ZSCAN29: variants seen among roughly 807,000 people sequenced by gnomAD.
ZSCAN29 encodes the protein zinc finger and SCAN domain containing 29.
ZSCAN29 carries 55 observed loss-of-function variants against 71.9 expected under a neutral mutation model. The observed-to-expected ratio is 0.76, with a 90% CI of 0.62 to 0.96. ZSCAN29 has a LOEUF of 0.96. Ranked by LOEUF, ZSCAN29 falls within the 40% of genes least tolerant of loss-of-function variation. The pLI is 0.00. For missense variants in ZSCAN29, 1,042 were observed against 1,042.2 expected (o/e 1.00, Z 0.00); for synonymous variants, 351 against 371.6 (o/e 0.94, Z 0.64).
chr15:43,370,153 CTT>C (rs2044087692), intron 1 of ZSCAN29, 128 bp from the exon 2 acceptor site: 2 of 489,174 alleles, frequency 4.1e-6, no homozygotes, highest in Non-Finnish European at 7.2e-6. Context: ...AGTAAATAGA[CTT>C]TGCAAAAACT....
In ZSCAN29 at chr15:43,366,828, C is replaced by G; in HGVS notation, c.524-20G>C. On this transcript the variant is annotated intron_variant, in intron 3 of 5. Coordinates refer to ENST00000684362, the MANE Select transcript of ZSCAN29 (RefSeq NM_001372080.1). ...GCAATCCTGCTTGCAGGGAAACAAA[C>G]AAAAGTTGTCATAGTTTGGACTGAT... 1 of 1,589,028 alleles carries G rather than the reference C, an allele frequency of 6.3e-7. No individual in the cohort carries two copies. The highest frequency in any genetic ancestry group is 8.5e-7 in the Non-Finnish European group (1 of 1,169,842).
chr15:43,370,531 G>C (rs1048520074), intron 1 of ZSCAN29, 27 bp downstream of exon 1: 2 of 152,516 alleles, frequency 1.3e-5, no homozygotes, highest in Non-Finnish European at 2.9e-5. Context: ...CGTAGTAGTA[G>C]CCGCTCAGCA....
Position 43,359,923 on chromosome 15 carries a change from G to C in ZSCAN29, c.*1150C>G, listed in dbSNP as rs938086303. ...TGTTCTTGACAAGATGATTCATAGG[G>C]CAGAACCAAGATGGACATTAAACTC... On this transcript the variant is annotated 3_prime_UTR_variant, in exon 6 of 6. Coordinates refer to ENST00000684362, the MANE Select transcript of ZSCAN29 (RefSeq NM_001372080.1). The C allele has an allele frequency of 6.6e-6, 1 of 152,196 alleles. No individual in the cohort carries two copies. The highest frequency in any genetic ancestry group is 2.4e-5 in the African/African-American group (1 of 41,452). 9.4% of individuals were successfully genotyped at this position (152,196 alleles called of 1,614,324 possible). A position where few individuals can be genotyped will look rare whatever the true frequency, so the allele number is the denominator to read the frequency against.
At position 43,370,957 on chromosome 15, in the gene ZSCAN29, A is replaced by C; in HGVS notation, c.-512T>G. The C allele has an allele frequency of 3.9e-6, 1 of 256,236 alleles. No homozygotes were observed. The highest frequency in any genetic ancestry group is 7.6e-6 in the Non-Finnish European group (1 of 130,944). The allele number at this position is 256,236 out of a possible 1,614,324, so 15.9% of individuals were successfully genotyped here. A position where few individuals can be genotyped will look rare whatever the true frequency, so the allele number is the denominator to read the frequency against. ...CCTTGCCTCCGGGCCAGCCTCACCC[A>C]CTCGGGGTCCGACCCTGACCCCGGC... On this transcript the variant is annotated 5_prime_UTR_variant, in exon 1 of 6. Transcript: ENST00000684362.
In ZSCAN29 at chr15:43,361,161, CCA is replaced by C; in HGVS notation, c.2469_2470del (p.Cys823TrpfsTer2). The C allele has an allele frequency of 4.3e-6, 7 of 1,614,168 alleles. No homozygotes were observed. The highest frequency in any genetic ancestry group is 5.9e-6 in the Non-Finnish European group (7 of 1,180,006). On this transcript the variant is annotated frameshift_variant, in exon 6 of 6. Transcript: ENST00000684362. LOFTEE classifies it high-confidence loss of function. The stretch of plus-strand genomic sequence containing the variant: ...GGCAGAGCTTTTACTGAAGCACTTA[CCA>C]CAGTCATGACACCCATAGGGTTTCT...
intron 3 of ZSCAN29, among the ~76,000 whole-genome samples, chr15:43,367,473 C>T (rs1049350725): frequency 1.4e-4 from 21 of 152,128 alleles, no homozygotes; most frequent in African/African-American, 5.1e-4. Flanking sequence ...CTTTTAATTC[C>T]CTCCTATCCA....
Position 43,360,944 on chromosome 15 carries a change from CAG to C in ZSCAN29, c.*127_*128del. The C allele has an allele frequency of 7.8e-7, 1 of 1,274,620 alleles. No individual in the cohort carries two copies. The allele number at this position is 1,274,620 out of a possible 1,614,324, so 79.0% of individuals were successfully genotyped here. ...TAGATCAGGAAAAACAAGGAACAAA[CAG>C]TGGCATAAATCCTAAAGTGAATTTC... On this transcript the variant is annotated 3_prime_UTR_variant, in exon 6 of 6. Coordinates refer to ENST00000684362, the MANE Select transcript of ZSCAN29 (RefSeq NM_001372080.1).
At position 43,360,888 on chromosome 15, in the gene ZSCAN29, C is replaced by A; in HGVS notation, c.*185G>T. ...AAGAGAGGGACTGAAATCTTCCTTT[C>A]ATTCTTTAGACTGCCTTGGGGATTT... is the stretch of plus-strand genomic sequence containing the variant. On this transcript the variant is annotated 3_prime_UTR_variant, in exon 6 of 6. Coordinates refer to ENST00000684362, the MANE Select transcript of ZSCAN29 (RefSeq NM_001372080.1). 1.3e-6 allele frequency: 1 copy of A among 765,336 alleles called. No homozygotes were observed. The highest frequency in any genetic ancestry group is 2.1e-6 in the Non-Finnish European group (1 of 482,536). 47.4% of individuals were successfully genotyped at this position (765,336 alleles called of 1,614,324 possible).
At chr15:43,363,230 C>T (rs530383384) in intron 5 of ZSCAN29, among the ~76,000 whole-genome samples, 85 of 152,296 alleles carry the variant, frequency 5.6e-4, no homozygotes, top group African/African-American at 1.8e-3. Context: ...CTGCCCGCCT[C>T]GGCCTCCCAA....
chr15:43,360,636 C>CAA lies in ZSCAN29; in HGVS notation c.*435_*436dup, dbSNP rs34497135. The CAA allele has an allele frequency of 2.9e-4, 38 of 130,062 alleles. No homozygotes were observed. The highest frequency in any genetic ancestry group is 4.8e-4 in the South Asian group (2 of 4,188). 8.1% of individuals were successfully genotyped at this position (130,062 alleles called of 1,614,324 possible). A position where few individuals can be genotyped will look rare whatever the true frequency, so the allele number is the denominator to read the frequency against. Reference sequence around the variant, plus strand: ...GGCAACAAGAGCAAAACTCCGTCTCCAAAAAAAAAAAAAAGAGCTAGACCC... The same window carrying CAA: ...GGCAACAAGAGCAAAACTCCGTCTCCAAAAAAAAAAAAAAAAGAGCTAGACCC... On this transcript the variant is annotated 3_prime_UTR_variant, in exon 6 of 6. Coordinates refer to ENST00000684362, the MANE Select transcript of ZSCAN29 (RefSeq NM_001372080.1).
chr15:43,366,711 A>G lies in ZSCAN29; in HGVS notation c.621T>C (p.Ser207=). 1 of 1,614,184 alleles carries G rather than the reference A, an allele frequency of 6.2e-7. No individual in the cohort carries two copies. The highest frequency in any genetic ancestry group is 8.5e-7 in the Non-Finnish European group (1 of 1,180,014). The change falls in exon 4 of 6, where the codon AGT becomes AGC. Residue 207 remains serine (S), a synonymous_variant. Coordinates refer to ENST00000684362, the MANE Select transcript of ZSCAN29 (RefSeq NM_001372080.1). ...CTCGTCTGTCTCCTATGTGGCTGCCACTTGGAAGTTCTTTCTCCTTAGAGC... is the reference window on the plus strand; with the variant it reads ...CTCGTCTGTCTCCTATGTGGCTGCCGCTTGGAAGTTCTTTCTCCTTAGAGC... ...LLGSKEKELP[S]GSHIGDRRVH... is the part of the protein sequence containing the mutation.
intron 3 of ZSCAN29, 55 bp downstream of exon 3, chr15:43,368,868 C>G (rs1024808696): frequency 4.1e-5 from 61 of 1,492,718 alleles, no homozygotes; most frequent in Non-Finnish European, 5.4e-5. Flanking sequence ...TATTCCCAAC[C>G]CTACTTCCCA....
chr15:43,359,032 C>A lies in ZSCAN29; in HGVS notation c.*2041G>T, dbSNP rs1205917687. On this transcript the variant is annotated 3_prime_UTR_variant, in exon 6 of 6. Transcript: ENST00000684362. ...ATCTACACAAAACACCTTGCTCCCC[C>A]TTTTTCCCATTCCTCAACCCACCCA... is the stretch of plus-strand genomic sequence containing the variant. The A allele has an allele frequency of 6.6e-6, 1 of 152,248 alleles. No individual in the cohort carries two copies. The highest frequency in any genetic ancestry group is 2.4e-5 in the African/African-American group (1 of 41,454). The allele number at this position is 152,248 out of a possible 1,614,324, so 9.4% of individuals were successfully genotyped here.
chr15:43,364,133 T>C lies in ZSCAN29; in HGVS notation c.1472A>G (p.Asp491Gly). 3 of 1,614,178 alleles carry C rather than the reference T, an allele frequency of 1.9e-6. No individual in the cohort carries two copies. The highest frequency in any genetic ancestry group is 1.7e-6 in the Non-Finnish European group (2 of 1,180,036). The change falls in exon 5 of 6, where the codon GAT (aspartate) becomes GGT (glycine). Residue 491 changes from aspartate to glycine, a missense_variant. Physicochemically the swap from Asp to Gly is moderately conservative, Grantham distance 94 (BLOSUM62 -1). Transcript: ENST00000684362. ...PETCPFFEEM[D>G]ALVSVRVAAP... ...AGCAACCCGGACACTCACCAAAGCA[T>C]CCATCTCTTCAAAGAAGGGACAGGT... is the stretch of plus-strand genomic sequence containing the variant.
chr15:43,368,821 A>G, intron 3 of ZSCAN29, 102 bp downstream of exon 3: 2 of 1,106,514 alleles, frequency 1.8e-6, no homozygotes, highest in Non-Finnish European at 2.6e-6. Context: ...CATATTCTGC[A>G]ATTTCCACTT....
rs762085365 is a variant in ZSCAN29, at chr15:43,364,066, G to A, written c.1539C>T (p.Pro513=). The A allele has an allele frequency of 1.5e-5, 24 of 1,614,006 alleles. No homozygotes were observed. Among genetic ancestry groups the A allele is most frequent in the South Asian group, 8.8e-5 (8 of 91,084 alleles). ...NDGQEETASC[P]VQGTSEAEAQ... is the part of the protein sequence containing the mutation. ...CTTCAGCCTCACTGGTCCCCTGGAC[G>A]GGGCAAGAAGCAGTCTCTTCCTGGC... The change falls in exon 5 of 6, where the codon CCC becomes CCT. Residue 513 remains proline, a synonymous_variant. Coordinates refer to ENST00000684362, the MANE Select transcript of ZSCAN29 (RefSeq NM_001372080.1).
chr15:43,361,963 G>A, intron 5 of ZSCAN29, 22 bp from the exon 6 acceptor site: 2 of 1,584,578 alleles, frequency 1.3e-6, no homozygotes, highest in South Asian at 2.3e-5. Context: ...CAGAATTTTA[G>A]AAGTTATCTA....
Position 43,361,154 on chromosome 15 carries a change from G to A in ZSCAN29, c.2478C>T (p.Cys826=). 6.2e-7 allele frequency: 1 copy of A among 1,614,086 alleles called. No individual in the cohort carries two copies. Among genetic ancestry groups the A allele is most frequent in the Non-Finnish European group, 8.5e-7 (1 of 1,179,922 alleles). ...KPYGCHDCGK[C]FSKSSALNKH... is the part of the protein sequence containing the mutation. ...TATTAAGGGCAGAGCTTTTACTGAA[G>A]CACTTACCACAGTCATGACACCCAT... Residue 826 remains cysteine, a synonymous_variant, in exon 6 of 6, where the codon TGC becomes TGT. Coordinates refer to ENST00000684362, the MANE Select transcript of ZSCAN29 (RefSeq NM_001372080.1).
rs749006936 is a variant in ZSCAN29 at position 43,369,628 on chromosome 15, A to C, written c.286T>G (p.Leu96Val). ...CTAGGTCTTCCAGGCTCTCTTTCTA[A>C]ATCTTCCACGAGAGTCACTGCCTCC... ...GEEAVTLVED[L>V]EREPGRPRSS... The change falls in exon 2 of 6, where the codon TTA (leucine) becomes GTA (valine). Residue 96 changes from leucine to valine, a missense_variant. Transcript: ENST00000684362. 1 of 1,613,608 alleles carries C rather than the reference A, an allele frequency of 6.2e-7. No homozygotes were observed. Among genetic ancestry groups the C allele is most frequent in the Non-Finnish European group, 8.5e-7 (1 of 1,179,680 alleles).
Sources: gnomAD v4.1 joint callset for allele counts (sites outside exome capture counted in the v4.1 genomes callset) on GRCh38, gnomAD v4.1.1 for gene constraint, MANE v1.5 for transcripts, NCBI Gene and HGNC (gene_info 2026-07-23, HGNC 2026-07-21) for gene names.